FMN1: variants seen among roughly 807,000 people sequenced by gnomAD.
FMN1 encodes the protein formin-1.
A neutral mutation model predicts 132.4 loss-of-function variants in FMN1; 110 were observed. The observed-to-expected ratio is 0.83, with a 90% confidence interval of 0.71 to 0.97. The LOEUF is 0.97. Among genes scored for constraint, FMN1 ranks in the 50% least tolerant of loss-of-function variants. The pLI, the probability that FMN1 is intolerant of heterozygous loss-of-function variation, is 0.00. For missense variants in FMN1, 1,792 were observed against 1,705.3 expected (o/e 1.05, Z -0.90); for synonymous variants, 722 against 651.7 (o/e 1.11, Z -1.64).
At chr15:32,792,547 A>G (rs1180820671) in intron 19 of FMN1, among the ~76,000 whole-genome samples, 1 of 152,214 alleles carries the variant, frequency 6.6e-6, no homozygotes, top group Non-Finnish European at 1.5e-5. Flanking sequence ...AATGTGACAC[A>G]GTCTAGTAAC....
chr15:33,020,138 T>C (rs758811518), intron 6 of FMN1, among the ~76,000 whole-genome samples: 4 of 152,140 alleles, frequency 2.6e-5, no homozygotes, highest in Non-Finnish European at 4.4e-5. Flanking sequence ...CTACTTGAAG[T>C]TGGTCAGTCA....
At chr15:33,068,195 CG>C (rs2037836945) in intron 5 of FMN1, 1 of 303,010 alleles carries the variant, frequency 3.3e-6, no homozygotes, top group African/African-American at 2.2e-5. Context: ...TATTTATTCC[CG>C]GGGACAAAAG....
At chr15:32,994,581 G>C (rs1386629369) in intron 7 of FMN1, among the ~76,000 whole-genome samples, 1 of 152,106 alleles carries the variant, frequency 6.6e-6, no homozygotes, top group Non-Finnish European at 1.5e-5. Flanking sequence ...CTGTTTCTCT[G>C]AATGGACTAC....
intron 9 of FMN1, 45 bp downstream of exon 9, chr15:32,964,062 C>G (rs1375785866): frequency 1.6e-6 from 2 of 1,282,644 alleles, no homozygotes; most frequent in Non-Finnish European, 2.2e-6. Flanking sequence ...TATACCATTT[C>G]CCTGTATAAT....
intron 2 of FMN1, among the ~76,000 whole-genome samples, chr15:33,191,291 C>T (rs1226769202): frequency 6.6e-6 from 1 of 152,056 alleles, no homozygotes; most frequent in East Asian, 1.9e-4. Flanking sequence ...TGACCTATGA[C>T]ACTTTAGAAG....
intron 9 of FMN1, among the ~76,000 whole-genome samples, chr15:32,957,315 T>TTTTTG (rs2029908130): frequency 6.9e-6 from 1 of 145,252 alleles, no homozygotes; most frequent in Non-Finnish European, 1.5e-5. Flanking sequence ...TTTTTTTTTT[T>TTTTTG]TTTTTTTTTT....
intron 4 of FMN1, among the ~76,000 whole-genome samples, chr15:33,128,655 A>G (rs1206244866): frequency 1.3e-5 from 2 of 152,122 alleles, no homozygotes; most frequent in Non-Finnish European, 2.9e-5. Context: ...GTGCGTCCGG[A>G]TGCTCCGGTG....
chr15:32,965,231 C>A (rs1012884773), intron 8 of FMN1, among the ~76,000 whole-genome samples: 2 of 152,160 alleles, frequency 1.3e-5, no homozygotes, highest in South Asian at 2.1e-4. Flanking sequence ...AACCCCATCT[C>A]TACTAAAAAA....
intron 17 of FMN1, among the ~76,000 whole-genome samples, chr15:32,839,372 G>C (rs1030953702): frequency 2.6e-5 from 4 of 152,090 alleles, no homozygotes; most frequent in Non-Finnish European, 5.9e-5. Context: ...TGAACTTCTA[G>C]CCCTTTCAGA....
intron 17 of FMN1, among the ~76,000 whole-genome samples, chr15:32,808,194 G>A (rs147790203): frequency 3.3e-4 from 50 of 152,312 alleles, no homozygotes; most frequent in African/African-American, 1.2e-3. Flanking sequence ...TAGTTCCACA[G>A]CCTACCAAGT....
intron 7 of FMN1, among the ~76,000 whole-genome samples, chr15:32,994,506 C>A (rs149569548): frequency 9.9e-5 from 15 of 152,090 alleles, no homozygotes; most frequent in Non-Finnish European, 1.0e-4. Flanking sequence ...CTTAATTAGA[C>A]CCCATCAGAG....
At position 32,766,990 on chromosome 15, in the gene FMN1, A is replaced by T. The variant is rs2056070466; in HGVS notation, c.*7320T>A. On this transcript the variant is annotated 3_prime_UTR_variant, in exon 21 of 21. Coordinates refer to ENST00000616417, the MANE Select transcript of FMN1 (RefSeq NM_001277313.2). ...GGATCTGAAATTGTTGGAGCTGTTA[A>T]ACCAAGCACAGACCAGTTTCACTGG... 1 of 152,218 alleles carries T rather than the reference A, an allele frequency of 6.6e-6. No individual in the cohort carries two copies. The highest frequency in any genetic ancestry group is 2.4e-5 in the African/African-American group (1 of 41,446). The allele number at this position is 152,218 out of a possible 1,614,324, so 9.4% of individuals were successfully genotyped here.
chr15:32,912,802 A>C (rs2060594554), intron 10 of FMN1, among the ~76,000 whole-genome samples: 1 of 152,150 alleles, frequency 6.6e-6, no homozygotes, highest in Non-Finnish European at 1.5e-5. Context: ...TGTGATCCTG[A>C]CATGTTAAAT....
At chr15:32,837,004 T>C (rs1223473658) in intron 17 of FMN1, 1 of 230,208 alleles carries the variant, frequency 4.3e-6, no homozygotes, top group Non-Finnish European at 1.0e-5. Context: ...TTCATTCCAA[T>C]TGTCTCCTGG....
chr15:33,127,719 T>G (rs1963232702), intron 4 of FMN1, among the ~76,000 whole-genome samples: 2 of 152,192 alleles, frequency 1.3e-5, no homozygotes, highest in South Asian at 2.1e-4. Flanking sequence ...ACCTGTGGTT[T>G]CAGGCAGGTT....
intron 16 of FMN1, among the ~76,000 whole-genome samples, chr15:32,873,097 G>A (rs1305333209): frequency 1.3e-5 from 2 of 152,082 alleles, no homozygotes; most frequent in Non-Finnish European, 2.9e-5. Context: ...GCAATATTTG[G>A]CTCAGACATT....
intron 10 of FMN1, among the ~76,000 whole-genome samples, chr15:32,911,908 T>C (rs560293163): frequency 6.6e-6 from 1 of 152,320 alleles, no homozygotes; most frequent in Non-Finnish European, 1.5e-5. Flanking sequence ...TTATTTTGTG[T>C]GTGGAGATCA....
intron 5 of FMN1, chr15:33,067,431 C>T (rs762986914): frequency 2.5e-5 from 40 of 1,614,036 alleles, no homozygotes; most frequent in South Asian, 4.4e-5. Context: ...TGGCCACCAT[C>T]ATCAGAGTCA....
intron 17 of FMN1, among the ~76,000 whole-genome samples, chr15:32,856,232 G>C (rs996577837): frequency 1.3e-5 from 2 of 152,156 alleles, no homozygotes; most frequent in African/African-American, 4.8e-5. Context: ...TCCCCCAAAG[G>C]CTCCTATGTG....
Sources: gnomAD v4.1 joint callset for allele counts (sites outside exome capture counted in the v4.1 genomes callset) on GRCh38, gnomAD v4.1.1 for gene constraint, MANE v1.5 for transcripts, NCBI Gene and HGNC (gene_info 2026-07-23, HGNC 2026-07-21) for gene names.